Variants in NEK6 observed in about 807,000 individuals in gnomAD.
NEK6 encodes the protein NIMA related kinase 6, also known as serine/threonine-protein kinase Nek6.
Under a neutral mutation model 43.5 loss-of-function variants are expected in NEK6, and 27 were observed. The ratio of observed to expected loss-of-function variants is 0.62; its 90% CI spans 0.46 to 0.86. The LOEUF is 0.86. Ranked by LOEUF, NEK6 falls within the 40% of genes least tolerant of loss-of-function variation. The pLI is 0.00. For synonymous variants in NEK6, 167 were observed against 164.1 expected (o/e 1.02, Z -0.14); for missense variants, 318 against 414.4 (o/e 0.77, Z 2.02).
chr9:124,258,376 G>A (rs1242560002), intron 1 of NEK6: 4 of 979,064 alleles, frequency 4.1e-6, no homozygotes, highest in Non-Finnish European at 4.9e-6. Flanking sequence ...GTGCGTGCGG[G>A]GACGCGGGCA....
chr9:124,269,498 C>T (rs913718323), intron 1 of NEK6, among the ~76,000 whole-genome samples: 4 of 151,960 alleles, frequency 2.6e-5, no homozygotes, highest in Admixed American at 1.3e-4. Flanking sequence ...CGCAGCCTCC[C>T]GAGTAGCTGG....
At chr9:124,267,128 C>T (rs1430936047) in intron 1 of NEK6, among the ~76,000 whole-genome samples, 3 of 152,238 alleles carry the variant, frequency 2.0e-5, no homozygotes, top group Admixed American at 2.0e-4. Flanking sequence ...AAAGGCTAAC[C>T]AAGCCACCTC....
chr9:124,277,309 G>C lies in NEK6; in HGVS notation c.-30+19224G>C, dbSNP rs1175142902. On this transcript the variant is annotated intron_variant, in intron 1 of 9. Transcript: ENST00000320246. ...AAAATAACAAAAATTAACCAGGCAT[G>C]GTGGCACACGCCTGTAATCCCAGCT... Among the ~76,000 whole-genome samples, 4 of 152,222 alleles carry C rather than the reference G, an allele frequency of 2.6e-5. No individual in the cohort carries two copies. In the East Asian group the frequency reaches 7.7e-4, roughly 29 times the overall value.
intron 2 of NEK6, among the ~76,000 whole-genome samples, 182 bp from the exon 3 acceptor site, chr9:124,312,327 C>A (rs972948296): frequency 6.6e-6 from 1 of 152,086 alleles, no homozygotes; most frequent in Non-Finnish European, 1.5e-5. Context: ...TTGAGGGGAC[C>A]CAGGGGACCC....
chr9:124,277,923 TTTA>T (rs1831714517), intron 1 of NEK6, among the ~76,000 whole-genome samples: 1 of 152,186 alleles, frequency 6.6e-6, no homozygotes, highest in African/African-American at 2.4e-5. Context: ...CCTCCCTGCA[TTTA>T]TTTGTTTATT....
chr9:124,265,207 A>G (rs994476915), intron 1 of NEK6, among the ~76,000 whole-genome samples: 7 of 152,162 alleles, frequency 4.6e-5, no homozygotes, highest in Admixed American at 3.9e-4. Context: ...AAGTGGTTAA[A>G]TATATCTGAG....
In NEK6 at chr9:124,343,247, A is replaced by T. The variant is rs1008375685; in HGVS notation, c.717+3582A>T. ...CAGCCGGGGGGCGGTGAGGGGACGG[A>T]TCGCAGCCGGGGGGTGGTACGGGGG... On this transcript the variant is annotated intron_variant, in intron 8 of 9. Coordinates refer to ENST00000320246, the MANE Select transcript of NEK6 (RefSeq NM_014397.6). This position sits in a 1 kb window ranked among gnomAD's most constrained non-coding sequence, Gnocchi z 5.1. Among the ~76,000 whole-genome samples the T allele has an allele frequency of 8.4e-6, 1 of 118,912 alleles. No individual in the cohort carries two copies. Among genetic ancestry groups the T allele is most frequent in the African/African-American group, 3.2e-5 (1 of 30,922 alleles). 78.0% of individuals were successfully genotyped at this position (118,912 alleles called of 152,430 possible).
Position 124,326,320 on chromosome 9 carries a change from C to T in NEK6, c.406-10C>T. On this transcript the variant is annotated splice_polypyrimidine_tract_variant and intron_variant, in intron 5 of 9. Coordinates refer to ENST00000320246, the MANE Select transcript of NEK6 (RefSeq NM_014397.6). This position sits in a 1 kb window ranked among gnomAD's most constrained non-coding sequence, Gnocchi z 4.5. ...CGGGCCTATCCCTCTGCTTGTCTCC[C>T]CCACTGCAGTACTTTAAGAAGCAGA... 2 of 1,603,208 alleles carry T rather than the reference C, an allele frequency of 1.2e-6. No homozygotes were observed. The highest frequency in any genetic ancestry group is 2.2e-5 in the East Asian group (1 of 44,810).
chr9:124,331,425 T>C (rs1176335447), intron 7 of NEK6, among the ~76,000 whole-genome samples: 1 of 151,690 alleles, frequency 6.6e-6, no homozygotes, highest in East Asian at 1.9e-4. Context: ...CCACGGGAAA[T>C]CAGCTCAAGT....
At chr9:124,293,142 G>A (rs1331314443) in intron 1 of NEK6, 1 of 1,191,604 alleles carries the variant, frequency 8.4e-7, no homozygotes, top group Non-Finnish European at 1.1e-6. Context: ...GATCACCTCA[G>A]GCAAATGATT....
At chr9:124,300,784 A>AGG (rs56358506) in intron 1 of NEK6, among the ~76,000 whole-genome samples, 3,093 of 149,058 alleles carry the variant, frequency 0.021, 43 homozygotes, top group Middle Eastern at 0.055. Context: ...CTGTTGAATA[A>AGG]GGGCCACCGC....
At chr9:124,334,386 A>G (rs1829183172) in intron 7 of NEK6, among the ~76,000 whole-genome samples, 1 of 152,206 alleles carries the variant, frequency 6.6e-6, no homozygotes, top group East Asian at 1.9e-4. Context: ...AAAGCTCCAA[A>G]TTGCATTTGG....
intron 1 of NEK6, among the ~76,000 whole-genome samples, chr9:124,274,590 G>A (rs1461000471): frequency 1.3e-5 from 2 of 152,160 alleles, no homozygotes; most frequent in African/African-American, 4.8e-5. Context: ...TCACAGTCCG[G>A]GTACCTGTCA....
chr9:124,320,742 G>A (rs977189193), intron 4 of NEK6, among the ~76,000 whole-genome samples: 7 of 152,186 alleles, frequency 4.6e-5, no homozygotes, highest in African/African-American at 9.7e-5. Flanking sequence ...CAGAGGCAGC[G>A]TCTCAGCATG....
At chr9:124,318,781 C>A (rs1833933894) in intron 4 of NEK6, among the ~76,000 whole-genome samples, 1 of 152,046 alleles carries the variant, frequency 6.6e-6, no homozygotes, top group African/African-American at 2.4e-5. Context: ...AAGCGATTCT[C>A]CCATCTCAGC....
chr9:124,312,123 G>A (rs1250178320), intron 2 of NEK6, among the ~76,000 whole-genome samples: 1 of 152,236 alleles, frequency 6.6e-6, no homozygotes, highest in African/African-American at 2.4e-5. Flanking sequence ...AGCTGCACCC[G>A]GCTTACCGGA....
intron 1 of NEK6, chr9:124,265,742 C>T (rs190491787): frequency 8.5e-5 from 13 of 152,342 alleles, no homozygotes; most frequent in Middle Eastern, 3.4e-3. Context: ...GATGCAAAAA[C>T]ACAGACCGTC....
intron 4 of NEK6, among the ~76,000 whole-genome samples, chr9:124,317,600 G>A (rs1588504903): frequency 6.6e-6 from 1 of 152,212 alleles, no homozygotes; most frequent in Non-Finnish European, 1.5e-5. Flanking sequence ...GTGATGCTGA[G>A]ATTTGGGCTT....
At chr9:124,289,104 C>T (rs1449790026) in intron 1 of NEK6, among the ~76,000 whole-genome samples, 1 of 151,476 alleles carries the variant, frequency 6.6e-6, no homozygotes, top group Non-Finnish European at 1.5e-5. Context: ...TCTCAGCCTT[C>T]CAAAGTGCTA....
Sources: allele counts gnomAD v4.1 joint callset (sites outside exome capture counted in the v4.1 genomes callset), GRCh38; gene constraint gnomAD v4.1.1; non-coding constraint Gnocchi (gnomAD v3.1); transcripts MANE v1.5; gene names NCBI Gene and HGNC (gene_info 2026-07-23, HGNC 2026-07-21).